AGL: variants seen among roughly 807,000 people sequenced by gnomAD.
AGL encodes the protein amylo-alpha-1,6-glucosidase and 4-alpha-glucanotransferase.
AGL carries 128 observed loss-of-function variants against 199.3 expected under a neutral mutation model. The observed-to-expected ratio is 0.64, with a 90% confidence interval of 0.56 to 0.74. The LOEUF is 0.74. Among genes scored for constraint, AGL ranks in the 30% least tolerant of loss-of-function variants. The pLI is 0.00. For missense variants in AGL, 1,809 were observed against 1,820.8 expected, an observed-to-expected ratio of 0.99 and a Z score of 0.12; for synonymous variants, 584 against 594.7, an observed-to-expected ratio of 0.98 and a Z score of 0.26.
chr1:99,894,655 AAACT>A lies in AGL; in HGVS notation c.3260-1627_3260-1624del, dbSNP rs149963346. ...TAATTCTTATCTTTCTTAATGGAAG[AAACT>A]AACATCTAATTCCCAATAAACAGAA... On this transcript the variant is annotated intron_variant, in intron 24 of 33. Coordinates refer to ENST00000361915, the MANE Select transcript of AGL (RefSeq NM_000642.3). Among the ~76,000 whole-genome samples the A allele has an allele frequency of 6.4e-3, 981 of 152,352 alleles. 13 individuals are homozygous for A. The highest frequency in any genetic ancestry group is 0.023 in the African/African-American group (947 of 41,582).
intron 27 of AGL, 50 bp downstream of exon 27, chr1:99,902,844 A>C: frequency 7.3e-7 from 1 of 1,370,290 alleles, no homozygotes; most frequent in Non-Finnish European, 1.0e-6. Context: ...TGATGAAATT[A>C]AACCTTGCAA....
chr1:99,859,372 A>G (rs1238176154), intron 2 of AGL, among the ~76,000 whole-genome samples: 1 of 148,756 alleles, frequency 6.7e-6, no homozygotes, highest in Non-Finnish European at 1.5e-5. Context: ...TTTAATTAGG[A>G]TTATACTATC....
intron 22 of AGL, 113 bp from the exon 23 acceptor site, chr1:99,891,493 T>G: frequency 6.6e-7 from 1 of 1,518,578 alleles, no homozygotes; most frequent in Non-Finnish European, 9.1e-7. Context: ...TTATAATAAA[T>G]GGAAATCGGG....
chr1:99,900,477 TACTC>T (rs1457712824), intron 25 of AGL, among the ~76,000 whole-genome samples, 155 bp from the exon 26 acceptor site: 1 of 152,180 alleles, frequency 6.6e-6, no homozygotes, highest in Non-Finnish European at 1.5e-5. Flanking sequence ...ATTCAGTACT[TACTC>T]TATCATACTA....
In AGL at chr1:99,881,432, CA is replaced by C. The variant is rs1652017784; in HGVS notation, c.2144del (p.Lys715ArgfsTer15). The C allele has an allele frequency of 6.2e-7, 1 of 1,614,012 alleles. No homozygotes were observed. The highest frequency in any genetic ancestry group is 8.5e-7 in the Non-Finnish European group (1 of 1,179,968). On this transcript the variant is annotated frameshift_variant, in exon 16 of 34. Coordinates refer to ENST00000361915, the MANE Select transcript of AGL (RefSeq NM_000642.3). LOFTEE classifies it high-confidence loss of function. ...ISKLHQELGA[K>X]GFIQVYVDQV... ...GTAAACTTCATCAGGAGCTTGGAGC[CA>C]AGGGTTTTATTCAGGCAAGAAATAA...
chr1:99,891,552 C>T, intron 22 of AGL, 54 bp from the exon 23 acceptor site: 2 of 1,600,212 alleles, frequency 1.2e-6, no homozygotes, highest in Non-Finnish European at 8.6e-7. Context: ...CCTCTAAAAA[C>T]ACACCTAGTC....
At chr1:99,888,858 CCTT>C (rs939292624) in intron 21 of AGL, among the ~76,000 whole-genome samples, 1 of 152,116 alleles carries the variant, frequency 6.6e-6, no homozygotes, top group Non-Finnish European at 1.5e-5. Context: ...TTTCATAAAA[CCTT>C]CTTTAACTAT....
chr1:99,913,822 C>T, intron 30 of AGL, 84 bp downstream of exon 30: 1 of 1,308,952 alleles, frequency 7.6e-7, no homozygotes, highest in Non-Finnish European at 1.1e-6. Context: ...TTTTCAAATT[C>T]ACTTCATTGC....
chr1:99,851,285 A>G (rs543708534), intron 2 of AGL, among the ~76,000 whole-genome samples, 161 bp downstream of exon 2: 2 of 152,360 alleles, frequency 1.3e-5, no homozygotes, highest in South Asian at 2.1e-4. Flanking sequence ...TATATCACTA[A>G]TTAATGTTGA....
In AGL at chr1:99,864,507, G is replaced by A; in HGVS notation, c.582G>A (p.Trp194Ter). The A allele has an allele frequency of 1.2e-6, 2 of 1,613,866 alleles. No individual in the cohort carries two copies. The highest frequency in any genetic ancestry group is 1.7e-6 in the Non-Finnish European group (2 of 1,179,894). ...CAAGACCTAATAGAAAGTATACCTG[G>A]AATGATGTTGGACAGCTAGTGGAAA... Reference protein sequence around the residue: ...DFSRPNRKYTWNDVGQLVEKL... With the variant: ...DFSRPNRKYT The change falls in exon 5 of 34, where the codon TGG becomes TGA. Residue 194 changes from tryptophan to a stop codon, truncating the protein, a stop_gained. Transcript: ENST00000361915. LOFTEE classifies it high-confidence loss of function.
intron 27 of AGL, among the ~76,000 whole-genome samples, chr1:99,905,920 TTTTTG>T (rs201864143): frequency 6.6e-4 from 101 of 152,254 alleles, no homozygotes; most frequent in African/African-American, 1.3e-3. Context: ...GGAGTGCTGT[TTTTTG>T]TTTTGTTTTG....
rs1206114610 is a variant in AGL at position 99,872,202 on chromosome 1, T to G, written c.958+1333T>G. Among the ~76,000 whole-genome samples, 4 of 152,186 alleles carry G rather than the reference T, an allele frequency of 2.6e-5. No individual in the cohort carries two copies. In the East Asian group the frequency reaches 7.7e-4, roughly 29 times the overall value. On this transcript the variant is annotated intron_variant, in intron 7 of 33. Coordinates refer to ENST00000361915, the MANE Select transcript of AGL (RefSeq NM_000642.3). ...TTTTCATTCATTCATTCAATGCATATTCATTGAACCACCTACTACTGTGTG... is the reference window on the plus strand; with the variant it reads ...TTTTCATTCATTCATTCAATGCATAGTCATTGAACCACCTACTACTGTGTG...
chr1:99,852,407 G>C (rs1177204664), intron 2 of AGL, among the ~76,000 whole-genome samples: 1 of 109,230 alleles, frequency 9.2e-6, no homozygotes, highest in African/African-American at 3.6e-5. Context: ...GTCTTACTCT[G>C]TTGCCCAAGC....
chr1:99,853,229 G>A (rs1649126273), intron 2 of AGL, among the ~76,000 whole-genome samples: 1 of 152,070 alleles, frequency 6.6e-6, no homozygotes, highest in Non-Finnish European at 1.5e-5. Flanking sequence ...TCTGTAATGA[G>A]ACTACACCTT....
At chr1:99,901,566 A>G (rs1325495548) in intron 26 of AGL, among the ~76,000 whole-genome samples, 1 of 151,998 alleles carries the variant, frequency 6.6e-6, no homozygotes. Flanking sequence ...GGGTAGTAAG[A>G]GATTATGGAA....
rs775268232 is a variant in AGL, at chr1:99,870,497, T to C, written c.762T>C (p.Leu254=). The C allele has an allele frequency of 1.5e-5, 24 of 1,614,076 alleles. No individual in the cohort carries two copies. The East Asian group carries it at 5.1e-4, about 34-fold the overall frequency. Reference sequence around the variant, plus strand: ...CTGCCTGGGTCTTAGACAGAGCACTTTGGCGTTTCTCCTGTGATGTTGCAG... The same window carrying C: ...CTGCCTGGGTCTTAGACAGAGCACTCTGGCGTTTCTCCTGTGATGTTGCAG... ...LKPAWVLDRA[L]WRFSCDVAEG... is the part of the protein sequence containing the mutation. Residue 254 remains leucine, a synonymous_variant, in exon 6 of 34, where the codon CTT becomes CTC. Coordinates refer to ENST00000361915, the MANE Select transcript of AGL (RefSeq NM_000642.3).
intron 7 of AGL, chr1:99,874,343 T>C (rs1651297893): frequency 6.6e-6 from 1 of 152,330 alleles, no homozygotes; most frequent in African/African-American, 2.4e-5. Flanking sequence ...TAATAAAATA[T>C]ATATATAAAA....
intron 7 of AGL, among the ~76,000 whole-genome samples, chr1:99,872,946 CTTTT>C (rs1440581947): frequency 6.6e-6 from 1 of 152,058 alleles, no homozygotes; most frequent in Non-Finnish European, 1.5e-5. Context: ...TGAGTTGTCT[CTTTT>C]TTTATATCGA....
rs539623052 is a variant in AGL at position 99,916,566 on chromosome 1, GT to G, written c.4348-24del. On this transcript the variant is annotated intron_variant, in intron 32 of 33. Transcript: ENST00000361915. ...TTCAAGTAATTTTTAGGTATTTATG[GT>G]TTTTTTTGTCTTTTAAATAATCTTT... 13 of 1,608,650 alleles carry G rather than the reference GT, an allele frequency of 8.1e-6. No individual in the cohort carries two copies. The East Asian group carries it at 1.1e-4, about 14-fold the overall frequency.
Sources: allele counts gnomAD v4.1 joint callset (sites outside exome capture counted in the v4.1 genomes callset), GRCh38; gene constraint gnomAD v4.1.1; transcripts MANE v1.5; gene names NCBI Gene and HGNC (gene_info 2026-07-23, HGNC 2026-07-21).